The following ARK2N variants were observed in gnomAD, a reference collection of about 807,000 sequenced individuals.
ARK2N encodes the protein protein ARK2N.
chr18:46,265,912 A>G, the ARK2N span: 2 of 119,664 alleles, frequency 1.7e-5, no homozygotes, highest in African/African-American at 5.1e-5. Flanking sequence ...GGTTTATGCC[A>G]CTGACTTGGT....
chr18:46,200,981 T>A, the ARK2N span, among the ~76,000 whole-genome samples: 1 of 14,290 alleles, frequency 7.0e-5, no homozygotes, highest in Non-Finnish European at 2.3e-4. Context: ...TCTTTTTTCT[T>A]TTTTTTTTTT....
chr18:46,219,155 G>A, the ARK2N span: 1 of 152,110 alleles, frequency 6.6e-6, no homozygotes, highest in African/African-American at 2.4e-5. Context: ...CCAGTGTAGT[G>A]CATGATCATA....
chr18:46,182,780 A>G, the ARK2N span, among the ~76,000 whole-genome samples: 1 of 147,642 alleles, frequency 6.8e-6, no homozygotes, highest in Non-Finnish European at 1.5e-5. Flanking sequence ...GGTACATGCC[A>G]GAAGTAGTAA....
the ARK2N span, among the ~76,000 whole-genome samples, chr18:46,231,547 A>C: frequency 2.0e-5 from 3 of 149,676 alleles, no homozygotes; most frequent in South Asian, 6.3e-4. Context: ...TCTTTTTAAA[A>C]ATGATTAAAG....
the ARK2N span, among the ~76,000 whole-genome samples, chr18:46,226,354 G>A: frequency 6.6e-6 from 1 of 152,150 alleles, no homozygotes; most frequent in Non-Finnish European, 1.5e-5. Context: ...AAAGCTCAGT[G>A]CCCAAGGCAA....
At chr18:46,238,103 A>T in the ARK2N span, among the ~76,000 whole-genome samples, 1 of 152,200 alleles carries the variant, frequency 6.6e-6, no homozygotes, top group Non-Finnish European at 1.5e-5. Context: ...CTGCATGTAT[A>T]CACTTATACT....
At chr18:46,238,511 C>T in the ARK2N span, among the ~76,000 whole-genome samples, 1 of 152,040 alleles carries the variant, frequency 6.6e-6, no homozygotes, top group South Asian at 2.1e-4. Flanking sequence ...AAATCAATTA[C>T]CAACTGATAC....
At chr18:46,181,758 A>AT in the ARK2N span, among the ~76,000 whole-genome samples, 1 of 152,102 alleles carries the variant, frequency 6.6e-6, no homozygotes, top group African/African-American at 2.4e-5. Context: ...TAGTCTAGAA[A>AT]TTAAGTTTAT....
At chr18:46,181,114 G>C in the ARK2N span, among the ~76,000 whole-genome samples, 1 of 151,972 alleles carries the variant, frequency 6.6e-6, no homozygotes, top group Admixed American at 6.6e-5. Flanking sequence ...ACAAAAATCA[G>C]ATGGGTGTGG....
the ARK2N span, among the ~76,000 whole-genome samples, chr18:46,203,129 T>TA: frequency 3.3e-5 from 5 of 152,184 alleles, no homozygotes; most frequent in African/African-American, 1.2e-4. Flanking sequence ...GGAGTTGTAT[T>TA]AACTCCTGGG....
chr18:46,247,757 G>A, the ARK2N span, among the ~76,000 whole-genome samples: 2 of 152,078 alleles, frequency 1.3e-5, no homozygotes, highest in Non-Finnish European at 2.9e-5. Flanking sequence ...CTGCAATCTC[G>A]GCCTCCTGGA....
At chr18:46,215,315 T>C in the ARK2N span, among the ~76,000 whole-genome samples, 1 of 152,082 alleles carries the variant, frequency 6.6e-6, no homozygotes, top group East Asian at 1.9e-4. Context: ...TAAGACCCTG[T>C]CTCAAAAACA....
chr18:46,229,258 A>G, the ARK2N span, among the ~76,000 whole-genome samples: 26 of 152,114 alleles, frequency 1.7e-4, no homozygotes, highest in African/African-American at 2.7e-4. Context: ...TAAAGTGGTT[A>G]CACCTTTTCC....
chr18:46,200,372 A>G, the ARK2N span, among the ~76,000 whole-genome samples: 1 of 152,194 alleles, frequency 6.6e-6, no homozygotes, highest in South Asian at 2.1e-4. Context: ...CAGTGGCGCA[A>G]TCTTGGCTCA....
At chr18:46,255,908 C>A in the ARK2N span, among the ~76,000 whole-genome samples, 2 of 152,042 alleles carry the variant, frequency 1.3e-5, no homozygotes, top group Non-Finnish European at 2.9e-5. Context: ...GGCTGACTTA[C>A]CTACCAGATG....
chr18:46,193,401 TG>T, the ARK2N span, among the ~76,000 whole-genome samples: 112 of 151,604 alleles, frequency 7.4e-4, no homozygotes, highest in African/African-American at 2.4e-3. Context: ...GTGATTCACC[TG>T]CCTCAGCCTC....
the ARK2N span, among the ~76,000 whole-genome samples, chr18:46,246,604 T>C: frequency 0.011 from 909 of 84,184 alleles, 10 homozygotes; most frequent in African/African-American, 0.034. Flanking sequence ...CACTTTCTCA[T>C]GCCTCTTATC....
At chr18:46,223,398 A>T in the ARK2N span, among the ~76,000 whole-genome samples, 1 of 152,220 alleles carries the variant, frequency 6.6e-6, no homozygotes, top group Admixed American at 6.5e-5. Flanking sequence ...GACCGACTTC[A>T]TGAGGTTTTT....
At chr18:46,181,830 A>G in the ARK2N span, among the ~76,000 whole-genome samples, 2 of 151,980 alleles carry the variant, frequency 1.3e-5, no homozygotes, top group Admixed American at 1.3e-4. Context: ...CTGGTCTCCA[A>G]CTCCTGGGCC....
Sources: allele counts gnomAD v4.1 joint callset (sites outside exome capture counted in the v4.1 genomes callset), GRCh38; gene constraint gnomAD v4.1.1; transcripts MANE v1.5; gene names NCBI Gene and HGNC (gene_info 2026-07-23, HGNC 2026-07-21).